HCRTR2: variants seen among roughly 807,000 people sequenced by gnomAD.
HCRTR2 encodes the protein orexin receptor type 2.
In HCRTR2, 22 loss-of-function variants were observed where a neutral mutation model predicts 49.0. The ratio of observed to expected loss-of-function variants is 0.45; its 90% CI spans 0.32 to 0.64. The LOEUF is 0.64. HCRTR2 is among the 30% of genes least tolerant of loss of function. HCRTR2 has a pLI of 0.04. For missense variants in HCRTR2, 491 were observed against 559.4 expected (o/e 0.88, Z 1.23); for synonymous variants, 236 against 205.3 (o/e 1.15, Z -1.28).
At chr6:55,257,262 G>A (rs1175218008) in intron 3 of HCRTR2, among the ~76,000 whole-genome samples, 1 of 151,952 alleles carries the variant, frequency 6.6e-6, no homozygotes, top group African/African-American at 2.4e-5. Flanking sequence ...GCCTAAAAAG[G>A]TCTTTCTCAG....
rs562681946 is a variant in HCRTR2, at chr6:55,113,141, A to C, written c.-378+6596A>C. 5.5e-4 allele frequency among the ~76,000 whole-genome samples: 83 copies of C among 152,242 alleles called. 2 individuals carry two copies. The highest frequency in any genetic ancestry group is 1.9e-3 in the African/African-American group (80 of 41,568). On this transcript the variant is annotated intron_variant, in intron 1 of 7. Coordinates refer to the HCRTR2 transcript ENST00000615358. ...ACAAAAATCAACTTAAGACAGATCA[A>C]AGACTTAAATCTAAGACCTGAAAGC...
chr6:55,267,402 C>A (rs1056474886), intron 4 of HCRTR2, among the ~76,000 whole-genome samples: 1 of 123,304 alleles, frequency 8.1e-6, no homozygotes, highest in Admixed American at 7.7e-5. Context: ...CTCTCTCTCT[C>A]TGTTTTTTTT....
At chr6:55,125,115 T>C (rs2127241082) in intron 1 of HCRTR2, among the ~76,000 whole-genome samples, 1 of 152,310 alleles carries the variant, frequency 6.6e-6, no homozygotes, top group East Asian at 1.9e-4. Flanking sequence ...AATTTACATT[T>C]AAGGTTAATA....
chr6:55,268,513 G>T (rs1766905199), intron 4 of HCRTR2, among the ~76,000 whole-genome samples: 1 of 151,960 alleles, frequency 6.6e-6, no homozygotes, highest in African/African-American at 2.4e-5. Context: ...TAGGTTAAAT[G>T]TAAAATAACA....
intron 1 of HCRTR2, among the ~76,000 whole-genome samples, chr6:55,142,655 T>C (rs1764523574): frequency 6.6e-6 from 1 of 152,130 alleles, no homozygotes; most frequent in East Asian, 1.9e-4. Context: ...ATCATTTTTG[T>C]TGTTTTTGCA....
intron 1 of HCRTR2, among the ~76,000 whole-genome samples, chr6:55,245,505 A>ATATATATC (rs1766425716): frequency 7.6e-6 from 1 of 130,954 alleles, no homozygotes; most frequent in Non-Finnish European, 1.6e-5. Flanking sequence ...ATATATATAT[A>ATATATATC]TCTTCCCCAA....
chr6:55,204,582 T>C (rs968579903), intron 1 of HCRTR2, among the ~76,000 whole-genome samples: 1 of 152,116 alleles, frequency 6.6e-6, no homozygotes, highest in Middle Eastern at 3.4e-3. Flanking sequence ...GCAAAGGAGA[T>C]TGTAGAAGCT....
rs1281873311 is a variant in HCRTR2 at position 55,282,251 on chromosome 6, G to A, written c.1132G>A (p.Ala378Thr). 1 of 1,613,736 alleles carries A rather than the reference G, an allele frequency of 6.2e-7. No homozygotes were observed. The change falls in exon 7 of 7, where the codon GCG becomes ACG. Residue 378 changes from alanine to threonine, a missense_variant. By Grantham distance (58) the Ala-to-Thr change is moderately conservative. Transcript: ENST00000370862. The stretch of plus-strand genomic sequence containing the variant: ...AAAATTTCGAGAGGAATTTAAAGCT[G>A]CGTTTTCTTGCTGTTGCCTTGGAGT... ...SGKFREEFKA[A>T]FSCCCLGVHH... is the part of the protein sequence containing the mutation.
chr6:55,191,757 T>C lies in HCRTR2; in HGVS notation c.223+16947T>C, dbSNP rs1419313899. Reference sequence around the variant, plus strand: ...ATCTCTTCCAAGGACTGGTCTACACTAAGAGTTTAGAAATGCATTTTTTTT... The same window carrying C: ...ATCTCTTCCAAGGACTGGTCTACACCAAGAGTTTAGAAATGCATTTTTTTT... On this transcript the variant is annotated intron_variant, in intron 1 of 6. Coordinates refer to ENST00000370862, the MANE Select transcript of HCRTR2 (RefSeq NM_001384272.1). Among the ~76,000 whole-genome samples the C allele has an allele frequency of 2.0e-5, 3 of 149,706 alleles. No homozygotes were observed. In the East Asian group the frequency reaches 5.9e-4, roughly 29 times the overall value.
chr6:55,143,423 CT>C (rs1764536465), intron 1 of HCRTR2, among the ~76,000 whole-genome samples: 1 of 152,160 alleles, frequency 6.6e-6, no homozygotes, highest in Non-Finnish European at 1.5e-5. Context: ...TTCCAAATGT[CT>C]TTGCCTTCCC....
intron 4 of HCRTR2, among the ~76,000 whole-genome samples, chr6:55,271,247 T>G (rs1418243407): frequency 6.6e-6 from 1 of 152,184 alleles, no homozygotes; most frequent in African/African-American, 2.4e-5. Flanking sequence ...CTCATATTTA[T>G]GATTAATTGA....
chr6:55,173,033 T>A (rs9382462), upstream of HCRTR2, among the ~76,000 whole-genome samples: 5,881 of 152,246 alleles, frequency 0.039, 204 homozygotes, highest in African/African-American at 0.099. Flanking sequence ...CAAACAGATG[T>A]AGGTGGGAGC....
At chr6:55,233,706 A>G (rs1328471687) in intron 1 of HCRTR2, among the ~76,000 whole-genome samples, 5 of 102,826 alleles carry the variant, frequency 4.9e-5, no homozygotes, top group Non-Finnish European at 1.0e-4. Context: ...AAAGAATAAC[A>G]AATAAATAAA....
At position 55,248,837 on chromosome 6, in the gene HCRTR2, T is replaced by C; in HGVS notation, c.402+20T>C. On this transcript the variant is annotated intron_variant, in intron 2 of 6. Coordinates refer to ENST00000370862, the MANE Select transcript of HCRTR2 (RefSeq NM_001384272.1). The stretch of plus-strand genomic sequence containing the variant: ...CTACAGGTAATTGTTTTTAATGCTT[T>C]TTTGAAGCTACTAAAAAGAATGTTC... 1 of 1,603,892 alleles carries C rather than the reference T, an allele frequency of 6.2e-7. No individual in the cohort carries two copies.
At chr6:55,245,611 G>A (rs1766428596) in intron 1 of HCRTR2, among the ~76,000 whole-genome samples, 1 of 150,670 alleles carries the variant, frequency 6.6e-6, no homozygotes, top group Non-Finnish European at 1.5e-5. Context: ...TTGTTGCTCT[G>A]AGTAGATTGC....
chr6:55,118,943 C>T (rs1764157322), intron 1 of HCRTR2, among the ~76,000 whole-genome samples: 1 of 151,932 alleles, frequency 6.6e-6, no homozygotes, highest in South Asian at 2.1e-4. Flanking sequence ...CCCTATCCCC[C>T]AACCCCCTAA....
chr6:55,221,637 C>T (rs933302649), intron 1 of HCRTR2, among the ~76,000 whole-genome samples: 1 of 151,888 alleles, frequency 6.6e-6, no homozygotes, highest in African/African-American at 2.4e-5. Flanking sequence ...CACAGTGAAA[C>T]CCCGTCTCTA....
rs1393012500 is a variant in HCRTR2, at chr6:55,142,822, C to T, written c.-377-31389C>T. ...CTATGTTTATTTCTATACAAGGAAA[C>T]ACCTATGATTCAAGTCCATTAAAAG... On this transcript the variant is annotated intron_variant, in intron 1 of 7. Transcript: ENST00000615358. Among the ~76,000 whole-genome samples the T allele has an allele frequency of 2.7e-5, 4 of 148,664 alleles. No homozygotes were observed. The South Asian group carries it at 6.5e-4, about 24-fold the overall frequency.
rs543095200 is a variant in HCRTR2 at position 55,244,293 on chromosome 6, T to A, written c.224-4346T>A. Among the ~76,000 whole-genome samples, 69 of 152,020 alleles carry A rather than the reference T, an allele frequency of 4.5e-4. 1 individual carries two copies. Among genetic ancestry groups the A allele is most frequent in the African/African-American group, 1.6e-3 (68 of 41,532 alleles). On this transcript the variant is annotated intron_variant, in intron 1 of 6. Transcript: ENST00000370862. ...TATATATTTTATCCATTAAAGGAAT[T>A]AATGGATTTTATCCATTTTATGACA...
Sources: allele counts gnomAD v4.1 joint callset (sites outside exome capture counted in the v4.1 genomes callset), GRCh38; gene constraint gnomAD v4.1.1; transcripts MANE v1.5; gene names NCBI Gene and HGNC (gene_info 2026-07-23, HGNC 2026-07-21).